Variants in POLQ observed in about 807,000 individuals in gnomAD.
POLQ encodes epididymis secretory sperm binding protein.
In POLQ, 233 loss-of-function variants were observed where a neutral mutation model predicts 259.2. The observed-to-expected ratio is 0.90, with a 90% CI of 0.81 to 1.00. The LOEUF is 1.00. Ranked by LOEUF, POLQ falls within the 50% of genes least tolerant of loss-of-function variation. The pLI is 0.00. For synonymous variants in POLQ, 1,025 were observed against 1,048.8 expected, an observed-to-expected ratio of 0.98 and a Z score of 0.44; for missense variants, 2,871 against 3,051.6, an observed-to-expected ratio of 0.94 and a Z score of 1.39.
chr3:121,514,707 C>T (rs1463749232), intron 9 of POLQ, among the ~76,000 whole-genome samples: 6 of 152,048 alleles, frequency 3.9e-5, no homozygotes, highest in Non-Finnish European at 8.8e-5. Context: ...GTAGAGCTCA[C>T]GGCAACCAGC....
chr3:121,462,810 G>A (rs373585891), intron 24 of POLQ, among the ~76,000 whole-genome samples: 4 of 152,156 alleles, frequency 2.6e-5, no homozygotes, highest in African/African-American at 9.7e-5. Context: ...GCCCTAGAGT[G>A]CAGGCTACTC....
chr3:121,509,677 C>A lies in POLQ; in HGVS notation c.1843G>T (p.Gly615Cys), dbSNP rs777469729. The change falls in exon 12 of 30, where the codon GGT becomes TGT. Residue 615 changes from glycine to cysteine, a missense_variant. By Grantham distance (159) the Gly-to-Cys change is radical (BLOSUM62 -3). Around this residue, in one of 3 missense-constraint regions of POLQ, gnomAD observed 783 missense variants for 906.2 expected, o/e 0.86. Transcript: ENST00000264233. ...EGKVYHPTHL[G>C]SATLSSSLSP... Reference sequence around the variant, plus strand: ...AGTGAAGAAGAAAGAGTGGCCGAACCAAGATGTGTTGGATGATACACCTTT... The same window carrying A: ...AGTGAAGAAGAAAGAGTGGCCGAACAAAGATGTGTTGGATGATACACCTTT... 2 of 1,613,660 alleles carry A rather than the reference C, an allele frequency of 1.2e-6. No homozygotes were observed. Among genetic ancestry groups the A allele is most frequent in the South Asian group, 2.2e-5 (2 of 91,046 alleles).
At chr3:121,473,327 T>C in intron 21 of POLQ, 23 bp downstream of exon 21, 1 of 1,600,818 alleles carries the variant, frequency 6.2e-7, no homozygotes, top group Non-Finnish European at 8.5e-7. Context: ...TCTGCCCTGC[T>C]CTGTGACTGC....
intron 22 of POLQ, 91 bp downstream of exon 22, chr3:121,471,899 C>A (rs2047886387): frequency 9.1e-6 from 6 of 659,288 alleles, no homozygotes; most frequent in Admixed American, 3.1e-5. Flanking sequence ...TTGATCAACA[C>A]TTGAATTCTT....
chr3:121,484,450 G>A (rs2047994168), intron 17 of POLQ, among the ~76,000 whole-genome samples: 1 of 152,190 alleles, frequency 6.6e-6, no homozygotes, highest in African/African-American at 2.4e-5. Flanking sequence ...CCCTAAAGGT[G>A]GCAAGAGAGT....
intron 7 of POLQ, among the ~76,000 whole-genome samples, chr3:121,527,260 C>A (rs566364541): frequency 1.3e-5 from 2 of 152,232 alleles, no homozygotes; most frequent in African/African-American, 4.8e-5. Flanking sequence ...CAGGGTTTCA[C>A]CATGTTGTCC....
intron 14 of POLQ, among the ~76,000 whole-genome samples, chr3:121,496,328 G>A (rs936265262): frequency 4.6e-5 from 7 of 151,668 alleles, no homozygotes; most frequent in Admixed American, 2.0e-4. Flanking sequence ...AGCGCCCACC[G>A]CCACACCTGG....
Position 121,473,342 on chromosome 3 carries a change from A to C in POLQ, c.6543+8T>G, listed in dbSNP as rs1321904125. The C allele has an allele frequency of 6.2e-7, 1 of 1,607,104 alleles. No individual in the cohort carries two copies. On this transcript the variant is annotated splice_region_variant and intron_variant, in intron 21 of 29. Coordinates refer to ENST00000264233, the MANE Select transcript of POLQ (RefSeq NM_199420.4). ...TCTGCCCTGCTCTGTGACTGCCCCA[A>C]AGAGCACCTTACTAGTGCTGAACTG...
At chr3:121,516,209 G>T (rs1304679661) in intron 9 of POLQ, among the ~76,000 whole-genome samples, 1 of 152,006 alleles carries the variant, frequency 6.6e-6, no homozygotes, top group Non-Finnish European at 1.5e-5. Context: ...ATTTTGCATT[G>T]TATACAGATA....
intron 19 of POLQ, 112 bp from the exon 20 acceptor site, chr3:121,476,845 G>A (rs1248033725): frequency 1.4e-6 from 1 of 705,928 alleles, no homozygotes. Context: ...TGCTACCAAG[G>A]TATCCTTCAG....
intron 12 of POLQ, among the ~76,000 whole-genome samples, chr3:121,504,951 G>A (rs1302072991): frequency 4.6e-5 from 7 of 152,134 alleles, no homozygotes; most frequent in Non-Finnish European, 1.0e-4. Flanking sequence ...GGGCCCAAGT[G>A]TAGATTTATA....
At position 121,487,663 on chromosome 3, in the gene POLQ, AG is replaced by A; in HGVS notation, c.5267del (p.Pro1756LeufsTer2). ...CATTATTAGTTTTCCAAGGGTTTAC[AG>A]GTGTTTCAAGAATCCCTGGAAATGT... The part of the protein sequence containing the change: ...KLTFPGILET[P>X]VNPWKTNNVL... On this transcript the variant is annotated frameshift_variant, in exon 16 of 30. Coordinates refer to ENST00000264233, the MANE Select transcript of POLQ (RefSeq NM_199420.4). LOFTEE classifies it high-confidence loss of function. The A allele has an allele frequency of 6.2e-7, 1 of 1,613,812 alleles. No individual in the cohort carries two copies. The highest frequency in any genetic ancestry group is 8.5e-7 in the Non-Finnish European group (1 of 1,179,708).
In POLQ at chr3:121,464,303, G is replaced by C. The variant is rs977445781; in HGVS notation, c.6967+3216C>G. 3.3e-5 allele frequency among the ~76,000 whole-genome samples: 5 copies of C among 152,056 alleles called. No homozygotes were observed. In the East Asian group the frequency reaches 9.6e-4, roughly 29 times the overall value. ...ATAATTTGGGAAGCCAAGGCTGGAG[G>C]ATCACTCCTGGAGGAGCCCAGGAGT... On this transcript the variant is annotated intron_variant, in intron 24 of 29. Transcript: ENST00000264233.
intron 12 of POLQ, among the ~76,000 whole-genome samples, chr3:121,501,126 G>A (rs2048164278): frequency 6.6e-6 from 1 of 151,922 alleles, no homozygotes; most frequent in East Asian, 2.0e-4. Context: ...ACCACACCTG[G>A]CTAATTTTTG....
intron 4 of POLQ, 22 bp from the exon 5 acceptor site, chr3:121,537,230 T>G: frequency 7.4e-7 from 1 of 1,347,968 alleles, no homozygotes; most frequent in Non-Finnish European, 1.1e-6. Context: ...TTCCAGATAC[T>G]AGGTTTTTAC....
chr3:121,461,514 G>C (rs1163776994), intron 24 of POLQ, among the ~76,000 whole-genome samples: 2 of 152,008 alleles, frequency 1.3e-5, no homozygotes, highest in African/African-American at 4.8e-5. Flanking sequence ...AGCTGGGAGT[G>C]GTGGAGCATG....
intron 10 of POLQ, among the ~76,000 whole-genome samples, chr3:121,510,588 TA>T (rs63110162): frequency 0.079 from 11,492 of 146,068 alleles, 535 homozygotes; most frequent in African/African-American, 0.12. Flanking sequence ...AAAAAACAAT[TA>T]AAAAAAAAAA....
intron 28 of POLQ, among the ~76,000 whole-genome samples, 195 bp downstream of exon 28, chr3:121,435,927 A>G (rs1036847752): frequency 1.5e-4 from 23 of 152,226 alleles, no homozygotes; most frequent in African/African-American, 5.1e-4. Flanking sequence ...AATTTATAAT[A>G]TGGTAAATAT....
At chr3:121,487,038 A>T (rs527745004) in intron 16 of POLQ, among the ~76,000 whole-genome samples, 2 of 152,332 alleles carry the variant, frequency 1.3e-5, no homozygotes, top group African/African-American at 4.8e-5. Context: ...TCACGTTCAT[A>T]TTCAAAATAT....
Sources: gnomAD v4.1 joint callset for allele counts (sites outside exome capture counted in the v4.1 genomes callset) on GRCh38, gnomAD v4.1.1 for gene constraint, gnomAD v4.1.1 regional missense constraint, MANE v1.5 for transcripts, NCBI Gene and HGNC (gene_info 2026-07-23, HGNC 2026-07-21) for gene names.